SYPL1: variants seen among roughly 807,000 people sequenced by gnomAD.
SYPL1 encodes the protein synaptophysin like 1.
SYPL1 carries 6 observed loss-of-function variants against 23.7 expected under a neutral mutation model. That is an observed-to-expected ratio of 0.25 (90% confidence interval 0.14 to 0.50). The LOEUF is 0.50. Ranked by LOEUF, SYPL1 falls within the 20% of genes least tolerant of loss-of-function variation. SYPL1 has a pLI of 0.98. For synonymous variants in SYPL1, 102 were observed against 104.5 expected, an observed-to-expected ratio of 0.98 and a Z score of 0.15; for missense variants, 253 against 288.9, an observed-to-expected ratio of 0.88 and a Z score of 0.90.
chr7:106,103,824 C>A (rs905071899), intron 1 of SYPL1, among the ~76,000 whole-genome samples: 3 of 152,112 alleles, frequency 2.0e-5, no homozygotes, highest in Non-Finnish European at 4.4e-5. Flanking sequence ...TAGAATGATG[C>A]CAAACTGATC....
At chr7:106,094,605 G>A (rs1839921920) in intron 3 of SYPL1, among the ~76,000 whole-genome samples, 1 of 152,130 alleles carries the variant, frequency 6.6e-6, no homozygotes, top group South Asian at 2.1e-4. Context: ...TATACATTCT[G>A]CTGCAGGTAG....
In SYPL1 at chr7:106,090,718, A is replaced by G. The variant is rs1472636070; in HGVS notation, c.*1087T>C. ...ATAAGCTTGTATTCAGAATATACCT[A>G]TATGTGTGTGCAAAGACAATACACT... is the stretch of plus-strand genomic sequence containing the variant. On this transcript the variant is annotated 3_prime_UTR_variant, in exon 5 of 5. Coordinates refer to ENST00000455385, the MANE Select transcript of SYPL1 (RefSeq NM_182715.4). The G allele has an allele frequency of 2.6e-5, 4 of 152,436 alleles. No individual in the cohort carries two copies. Among genetic ancestry groups the G allele is most frequent in the Admixed American group, 2.6e-4 (4 of 15,280 alleles). The allele number at this position is 152,436 out of a possible 1,614,324, so 9.4% of individuals were successfully genotyped here.
chr7:106,097,744 C>G lies in SYPL1; in HGVS notation c.348G>C (p.Leu116=). 2 of 1,613,912 alleles carry G rather than the reference C, an allele frequency of 1.2e-6. No individual in the cohort carries two copies. Among genetic ancestry groups the G allele is most frequent in the Non-Finnish European group, 1.7e-6 (2 of 1,179,922 alleles). Residue 116 remains leucine, a synonymous_variant, in exon 3 of 5, where the codon CTG becomes CTC. Transcript: ENST00000455385. The surrounding 1 kb of genome is among the most constrained non-coding windows in gnomAD (Gnocchi z 4.6). ...FVFLYCIAAL[L]LYVGYTSLYL... ...ACAGACTCGTGTAGCCAACATAAAG[C>G]AGAAGGGCAGCAATGCAGTACAGGA...
chr7:106,091,926 A>T lies in SYPL1; in HGVS notation c.605T>A (p.Leu202Gln), dbSNP rs1461349725. The stretch of plus-strand genomic sequence containing the variant: ...ATTTCCTCCCCAGAGTATCATATTT[A>T]GAAAGCCAAATATCTATGAAAGAGA... ...SLNVSVIFGF[L>Q]NMILWGGNAW... The change falls in exon 5 of 5, where the codon CTA becomes CAA. Residue 202 changes from leucine (L) to glutamine (Q), a missense_variant. Transcript: ENST00000455385. The surrounding 1 kb of genome is among the most constrained non-coding windows in gnomAD (Gnocchi z 5.0). 6.2e-7 allele frequency: 1 copy of T among 1,611,070 alleles called. No homozygotes were observed. The highest frequency in any genetic ancestry group is 8.5e-7 in the Non-Finnish European group (1 of 1,179,082).
Position 106,091,245 on chromosome 7 carries a change from G to A in SYPL1, c.*560C>T, listed in dbSNP as rs1479993301. The A allele has an allele frequency of 2.0e-5, 3 of 151,848 alleles. No individual in the cohort carries two copies. The highest frequency in any genetic ancestry group is 4.8e-5 in the African/African-American group (2 of 41,254). The allele number at this position is 151,848 out of a possible 1,614,324, so 9.4% of individuals were successfully genotyped here. A position where few individuals can be genotyped will look rare whatever the true frequency, so the allele number is the denominator to read the frequency against. ...TTTAGTACACCTATTAAGTACCACG[G>A]GTCATTTAGAAAAACAGAAAAAAAT... On this transcript the variant is annotated 3_prime_UTR_variant, in exon 5 of 5. Transcript: ENST00000455385. This position sits in a 1 kb window ranked among gnomAD's most constrained non-coding sequence, Gnocchi z 5.0.
chr7:106,100,969 A>G lies in SYPL1; in HGVS notation c.70-1687T>C, dbSNP rs1364504759. 6.6e-6 allele frequency among the ~76,000 whole-genome samples: 1 copy of G among 152,216 alleles called. No individual in the cohort carries two copies. The highest frequency in any genetic ancestry group is 1.9e-4 in the East Asian group (1 of 5,184). ...ATACACAAACTGCTTTCCATGCGAT[A>G]CCTTTAATGACACGGGATAAACTCT... On this transcript the variant is annotated intron_variant, in intron 1 of 4. Coordinates refer to ENST00000455385, the MANE Select transcript of SYPL1 (RefSeq NM_182715.4). The surrounding 1 kb of genome is among the most constrained non-coding windows in gnomAD (Gnocchi z 5.1).
chr7:106,112,089 G>T, intron 1 of SYPL1, 51 bp downstream of exon 1: 1 of 1,359,940 alleles, frequency 7.4e-7, no homozygotes, highest in Non-Finnish European at 9.6e-7. Flanking sequence ...TCCCCGCCTA[G>T]GGCGCCGCGC....
Position 106,090,546 on chromosome 7 carries a change from T to C in SYPL1, c.*1259A>G, listed in dbSNP as rs902108694. 1.3e-5 allele frequency: 2 copies of C among 152,674 alleles called. No individual in the cohort carries two copies. Among genetic ancestry groups the C allele is most frequent in the Admixed American group, 1.3e-4 (2 of 15,288 alleles). 9.5% of individuals were successfully genotyped at this position (152,674 alleles called of 1,614,324 possible). On this transcript the variant is annotated 3_prime_UTR_variant, in exon 5 of 5. Transcript: ENST00000455385. ...TATTAAATTGGTTGCAAAAAAGATA[T>C]ACATTCTTATATTGACAATTCTTGT...
At chr7:106,106,243 A>G (rs990427436) in intron 1 of SYPL1, among the ~76,000 whole-genome samples, 6 of 152,172 alleles carry the variant, frequency 3.9e-5, no homozygotes, top group African/African-American at 1.4e-4. Flanking sequence ...TTGCACTAAT[A>G]GGAGTGCAAA....
chr7:106,108,363 T>C (rs1362940815), intron 1 of SYPL1, among the ~76,000 whole-genome samples: 1 of 152,180 alleles, frequency 6.6e-6, no homozygotes, highest in Non-Finnish European at 1.5e-5. Flanking sequence ...GCCACTGACA[T>C]AATTTGAATT....
upstream of SYPL1, chr7:106,112,491 A>G (rs1386459351): frequency 2.6e-5 from 40 of 1,523,322 alleles, no homozygotes; most frequent in Non-Finnish European, 3.4e-5. Flanking sequence ...GGCCGAGTCG[A>G]CTGATCCGCT....
rs1790062988 is a variant in SYPL1 at position 106,109,990 on chromosome 7, A to G, written c.69+2150T>C. On this transcript the variant is annotated intron_variant, in intron 1 of 4. Coordinates refer to ENST00000455385, the MANE Select transcript of SYPL1 (RefSeq NM_182715.4). This position sits in a 1 kb window ranked among gnomAD's most constrained non-coding sequence, Gnocchi z 4.3. ...GAAATCGATTGATTGAGGAATTATGAGTGCCTAAAATTAGTCGTATCATTG... is the reference window on the plus strand; with the variant it reads ...GAAATCGATTGATTGAGGAATTATGGGTGCCTAAAATTAGTCGTATCATTG... Among the ~76,000 whole-genome samples, 1 of 152,172 alleles carries G rather than the reference A, an allele frequency of 6.6e-6. No homozygotes were observed. Among genetic ancestry groups the G allele is most frequent in the Non-Finnish European group, 1.5e-5 (1 of 68,024 alleles).
chr7:106,094,645 G>C lies in SYPL1; in HGVS notation c.403-1508C>G, dbSNP rs1839924800. On this transcript the variant is annotated intron_variant, in intron 3 of 4. Transcript: ENST00000455385. Reference sequence around the variant, plus strand: ...TTTCTAAACGCTTGCTAGAAATACAGTGTTTTTTGGAAAACTGATGAGTAA... The same window carrying C: ...TTTCTAAACGCTTGCTAGAAATACACTGTTTTTTGGAAAACTGATGAGTAA... 3.9e-5 allele frequency among the ~76,000 whole-genome samples: 6 copies of C among 152,280 alleles called. No homozygotes were observed. The South Asian group carries it at 1.2e-3, about 32-fold the overall frequency.
In SYPL1 at chr7:106,091,714, A is replaced by G; in HGVS notation, c.*91T>C. On this transcript the variant is annotated 3_prime_UTR_variant, in exon 5 of 5. Transcript: ENST00000455385. This position sits in a 1 kb window ranked among gnomAD's most constrained non-coding sequence, Gnocchi z 5.0. The stretch of plus-strand genomic sequence containing the variant: ...CCACCAATATATTGACAAAGCCATT[A>G]CTTTTATTAGAAACAAATAATGCTT... The G allele has an allele frequency of 7.3e-7, 1 of 1,375,008 alleles. No homozygotes were observed. The highest frequency in any genetic ancestry group is 9.7e-7 in the Non-Finnish European group (1 of 1,032,414). 85.2% of individuals were successfully genotyped at this position (1,375,008 alleles called of 1,614,324 possible).
intron 1 of SYPL1, among the ~76,000 whole-genome samples, chr7:106,107,222 T>A (rs1840648281): frequency 6.6e-6 from 1 of 152,186 alleles, no homozygotes; most frequent in Admixed American, 6.5e-5. Flanking sequence ...AAAGATTAGA[T>A]GCCTAGAGCC....
At chr7:106,098,016 G>C in intron 2 of SYPL1, 119 bp from the exon 3 acceptor site, 1 of 797,996 alleles carries the variant, frequency 1.3e-6, no homozygotes, top group Non-Finnish European at 1.9e-6. Context: ...ATTCCTTTGG[G>C]GAAAAAAGTA....
chr7:106,109,696 A>G lies in SYPL1; in HGVS notation c.69+2444T>C, dbSNP rs1382428295. ...ATCTGCTCCTCCTCCTCTTAATGAC[A>G]TTACCTTGAATATGCTAATGGCAAC... On this transcript the variant is annotated intron_variant, in intron 1 of 4. Coordinates refer to ENST00000455385, the MANE Select transcript of SYPL1 (RefSeq NM_182715.4). This position sits in a 1 kb window ranked among gnomAD's most constrained non-coding sequence, Gnocchi z 4.3. Among the ~76,000 whole-genome samples, 1 of 152,142 alleles carries G rather than the reference A, an allele frequency of 6.6e-6. No individual in the cohort carries two copies. Among genetic ancestry groups the G allele is most frequent in the Non-Finnish European group, 1.5e-5 (1 of 68,020 alleles).
intron 1 of SYPL1, among the ~76,000 whole-genome samples, chr7:106,102,211 G>A (rs1028003527): frequency 1.3e-5 from 2 of 151,882 alleles, no homozygotes; most frequent in Admixed American, 6.6e-5. Context: ...TCCTTCCTCA[G>A]CCTCCTGAGT....
In SYPL1 at chr7:106,097,716, G is replaced by C; in HGVS notation, c.376C>G (p.Leu126Val). 6 of 1,613,516 alleles carry C rather than the reference G, an allele frequency of 3.7e-6. No individual in the cohort carries two copies. The highest frequency in any genetic ancestry group is 5.1e-6 in the Non-Finnish European group (6 of 1,179,648). Residue 126 changes from leucine (L) to valine (V), a missense_variant, in exon 3 of 5, where the codon CTG becomes GTG. Leu to Val is a conservative substitution (Grantham distance 32). Transcript: ENST00000455385. The surrounding 1 kb of genome is among the most constrained non-coding windows in gnomAD (Gnocchi z 4.6). Reference protein sequence around the residue: ...LLYVGYTSLYLDSRKLPMIDF... With the variant: ...LLYVGYTSLYVDSRKLPMIDF... The stretch of plus-strand genomic sequence containing the variant: ...ATCATAGGAAGTTTACGACTATCCA[G>C]ATACAGACTCGTGTAGCCAACATAA...
Sources: allele counts gnomAD v4.1 joint callset (sites outside exome capture counted in the v4.1 genomes callset), GRCh38; gene constraint gnomAD v4.1.1; non-coding constraint Gnocchi (gnomAD v3.1); transcripts MANE v1.5; gene names NCBI Gene and HGNC (gene_info 2026-07-23, HGNC 2026-07-21).